Variants in EIF4ENIF1 observed in about 807,000 individuals in gnomAD.
EIF4ENIF1 encodes the protein eukaryotic translation initiation factor 4E transporter.
In EIF4ENIF1, 23 loss-of-function variants were observed where a neutral mutation model predicts 110.5. The ratio of observed to expected loss-of-function variants is 0.21; its 90% CI spans 0.15 to 0.29. The LOEUF is 0.29. Ranked by LOEUF, EIF4ENIF1 falls within the 10% of genes least tolerant of loss-of-function variation. The probability of loss-of-function intolerance (pLI) is 1.00; values close to 1 mark genes in which losing one functional copy is unlikely to be tolerated. For synonymous variants in EIF4ENIF1, 440 were observed against 437.0 expected (o/e 1.01, Z -0.09); for missense variants, 1,031 against 1,221.1 (o/e 0.84, Z 2.32).
chr22:31,443,700 G>A (rs1028126760), intron 15 of EIF4ENIF1, among the ~76,000 whole-genome samples: 2 of 151,644 alleles, frequency 1.3e-5, no homozygotes, highest in African/African-American at 4.9e-5. Context: ...AAGGTCACCG[G>A]TGCAAAGACC....
intron 6 of EIF4ENIF1, among the ~76,000 whole-genome samples, chr22:31,461,264 C>T (rs2050984643): frequency 6.6e-6 from 1 of 152,176 alleles, no homozygotes; most frequent in Admixed American, 6.5e-5. Flanking sequence ...TGCCTCCTTC[C>T]CAAGACCATC....
intron 2 of EIF4ENIF1, among the ~76,000 whole-genome samples, chr22:31,479,767 T>C (rs771099721): frequency 1.4e-4 from 21 of 150,392 alleles, no homozygotes; most frequent in East Asian, 2.0e-4. Context: ...TGGAGTGCAG[T>C]GGCATGATCA....
intron 16 of EIF4ENIF1, among the ~76,000 whole-genome samples, chr22:31,442,623 T>C (rs1371711011): frequency 6.6e-6 from 1 of 152,200 alleles, no homozygotes; most frequent in East Asian, 1.9e-4. Flanking sequence ...GGACATAATC[T>C]TTCAGAAGTA....
rs1412890926 is a variant in EIF4ENIF1 at position 31,441,852 on chromosome 22, G to C, written c.2473C>G (p.Gln825Glu). 6.2e-7 allele frequency: 1 copy of C among 1,614,052 alleles called. No homozygotes were observed. The highest frequency in any genetic ancestry group is 8.5e-7 in the Non-Finnish European group (1 of 1,180,034). Reference protein sequence around the residue: ...PHVPMVRPAHQLHPGLVQRML... With the variant: ...PHVPMVRPAHELHPGLVQRML... ...CTCTGTACCAACCCTGGGTGAAGCT[G>C]GTGAGCAGGCCTAACCATAGGGACA... Residue 825 changes from glutamine (Q) to glutamate (E), a missense_variant, in exon 17 of 19, where the codon CAG becomes GAG. Gln to Glu is a conservative substitution (Grantham distance 29). Around this residue, in one of 3 missense-constraint regions of EIF4ENIF1, gnomAD observed 309 missense variants for 299.1 expected, o/e 1.03. Transcript: ENST00000330125.
In EIF4ENIF1 at chr22:31,474,232, T is replaced by C. The variant is rs2051491287; in HGVS notation, c.97-2315A>G. Among the ~76,000 whole-genome samples, 3 of 152,176 alleles carry C rather than the reference T, an allele frequency of 2.0e-5. No individual in the cohort carries two copies. The South Asian group carries it at 6.2e-4, about 32-fold the overall frequency. On this transcript the variant is annotated intron_variant, in intron 2 of 18. Coordinates refer to ENST00000330125, the MANE Select transcript of EIF4ENIF1 (RefSeq NM_019843.4). ...ACCACCATGGCTGGCTAATTTTTTTTGTATTTTTAGTAGAGACGGAGTTTC... is the reference window on the plus strand; with the variant it reads ...ACCACCATGGCTGGCTAATTTTTTTCGTATTTTTAGTAGAGACGGAGTTTC...
intron 2 of EIF4ENIF1, among the ~76,000 whole-genome samples, chr22:31,487,392 G>C (rs2052073111): frequency 6.6e-6 from 1 of 152,182 alleles, no homozygotes; most frequent in South Asian, 2.1e-4. Context: ...GACAGTATTT[G>C]ATACTTTATC....
At chr22:31,458,925 C>CTT (rs11337049) in intron 6 of EIF4ENIF1, among the ~76,000 whole-genome samples, 58 of 107,218 alleles carry the variant, frequency 5.4e-4, no homozygotes, top group Non-Finnish European at 6.6e-4. Context: ...GGAGGGGGGT[C>CTT]TTTTTTTTTT....
chr22:31,483,839 G>A (rs1251291989), intron 2 of EIF4ENIF1, among the ~76,000 whole-genome samples: 2 of 152,080 alleles, frequency 1.3e-5, no homozygotes, highest in African/African-American at 4.8e-5. Flanking sequence ...TTGGTCTTAG[G>A]AATGTGGCCT....
At chr22:31,487,207 A>G (rs1219340050) in intron 2 of EIF4ENIF1, among the ~76,000 whole-genome samples, 1 of 152,242 alleles carries the variant, frequency 6.6e-6, no homozygotes, top group South Asian at 2.1e-4. Flanking sequence ...GTTTGAGAGA[A>G]AATATATTTG....
intron 10 of EIF4ENIF1, 193 bp from the exon 11 acceptor site, chr22:31,450,553 G>A (rs1569072514): frequency 6.4e-6 from 3 of 465,862 alleles, no homozygotes; most frequent in East Asian, 4.0e-5. Flanking sequence ...TGGAAAGACC[G>A]TTCACATGTA....
chr22:31,450,717 G>C, intron 10 of EIF4ENIF1: 1 of 157,788 alleles, frequency 6.3e-6, no homozygotes, highest in South Asian at 4.4e-5. Flanking sequence ...AGATTTATTG[G>C]AGACACACAC....
chr22:31,454,832 G>A (rs528099972), intron 9 of EIF4ENIF1, among the ~76,000 whole-genome samples: 4 of 152,258 alleles, frequency 2.6e-5, no homozygotes, highest in East Asian at 1.9e-4. Flanking sequence ...TGAGGAAATG[G>A]TAAGTTATGC....
intron 4 of EIF4ENIF1, among the ~76,000 whole-genome samples, chr22:31,464,457 A>G (rs371333596): frequency 6.6e-6 from 1 of 151,484 alleles, no homozygotes; most frequent in Admixed American, 6.6e-5. Flanking sequence ...AGGCAGGTGG[A>G]TCACGAGGTT....
chr22:31,450,844 T>TACACAC (rs372740127), intron 10 of EIF4ENIF1: 6,170 of 120,880 alleles, frequency 0.051, 220 homozygotes, highest in East Asian at 0.084. Flanking sequence ...ATATATATAC[T>TACACAC]ACACACACAC....
At chr22:31,466,936 G>C (rs1454187153) in intron 4 of EIF4ENIF1, among the ~76,000 whole-genome samples, 3 of 152,140 alleles carry the variant, frequency 2.0e-5, no homozygotes, top group African/African-American at 7.2e-5. Context: ...ACAGCTCCTA[G>C]AATGTTCTGT....
At chr22:31,478,588 C>T (rs1445354462) in intron 2 of EIF4ENIF1, among the ~76,000 whole-genome samples, 3 of 149,966 alleles carry the variant, frequency 2.0e-5, no homozygotes, top group Non-Finnish European at 2.9e-5. Flanking sequence ...GAGGCCAAGG[C>T]GGGCGGATCA....
At chr22:31,445,891 G>C (rs984731198) in intron 14 of EIF4ENIF1, among the ~76,000 whole-genome samples, 1 of 148,870 alleles carries the variant, frequency 6.7e-6, no homozygotes, top group African/African-American at 2.5e-5. Flanking sequence ...ATGCTTGCTA[G>C]TTTTGAGTAA....
chr22:31,454,992 T>A (rs367693070), intron 9 of EIF4ENIF1, 144 bp downstream of exon 9: 8 of 642,726 alleles, frequency 1.2e-5, no homozygotes, highest in East Asian at 6.0e-5. Flanking sequence ...TTTGATGAAA[T>A]GAGTTTTTAA....
chr22:31,477,357 C>CA (rs749894840), intron 2 of EIF4ENIF1, among the ~76,000 whole-genome samples: 3,803 of 45,822 alleles, frequency 0.083, 154 homozygotes, highest in East Asian at 0.22. Flanking sequence ...CCTCTGTCTC[C>CA]AAAAAAAAAA....
Sources: gnomAD v4.1 joint callset for allele counts (sites outside exome capture counted in the v4.1 genomes callset) on GRCh38, gnomAD v4.1.1 for gene constraint, gnomAD v4.1.1 regional missense constraint, MANE v1.5 for transcripts, NCBI Gene and HGNC (gene_info 2026-07-23, HGNC 2026-07-21) for gene names.